Variants in TRIO observed in about 807,000 individuals in gnomAD.
The protein encoded by TRIO is triple functional domain protein.
TRIO carries 58 observed loss-of-function variants against 351.9 expected under a neutral mutation model. That is an observed-to-expected ratio of 0.16 (90% confidence interval 0.13 to 0.21). The LOEUF is 0.21. TRIO is among the 10% of genes least tolerant of loss of function. TRIO has a pLI of 1.00. For synonymous variants in TRIO, 1,758 were observed against 1,595.7 expected (o/e 1.10, Z -2.42); for missense variants, 3,201 against 4,027.8 (o/e 0.79, Z 5.56).
chr5:14,154,081 C>T (rs1425879514), intron 1 of TRIO, among the ~76,000 whole-genome samples: 1 of 152,082 alleles, frequency 6.6e-6, no homozygotes, highest in Non-Finnish European at 1.5e-5. Flanking sequence ...CATGTTGGCT[C>T]TGTTGAGTTT....
intron 1 of TRIO, among the ~76,000 whole-genome samples, chr5:14,194,100 A>C (rs146408571): frequency 2.6e-5 from 4 of 152,320 alleles, no homozygotes; most frequent in Non-Finnish European, 5.9e-5. Context: ...CTGTCCACTC[A>C]AATGTTGAAT....
At chr5:14,250,480 G>C (rs1168574014) in intron 1 of TRIO, among the ~76,000 whole-genome samples, 1 of 152,194 alleles carries the variant, frequency 6.6e-6, no homozygotes, top group Non-Finnish European at 1.5e-5. Flanking sequence ...CTTGTACAGC[G>C]CTATGGAGCC....
intron 1 of TRIO, among the ~76,000 whole-genome samples, chr5:14,243,689 T>C (rs1387550016): frequency 6.6e-6 from 1 of 152,196 alleles, no homozygotes; most frequent in East Asian, 1.9e-4. Flanking sequence ...GGAAAACATA[T>C]GGGATAGAAA....
rs1335020780 is a variant in TRIO at position 14,387,335 on chromosome 5, T to C, written c.3571-103T>C. 4 of 1,228,132 alleles carry C rather than the reference T, an allele frequency of 3.3e-6. No individual in the cohort carries two copies. The East Asian group carries it at 9.5e-5, about 29-fold the overall frequency. The allele number at this position is 1,228,132 out of a possible 1,614,324, so 76.1% of individuals were successfully genotyped here. A position where few individuals can be genotyped will look rare whatever the true frequency, so the allele number is the denominator to read the frequency against. On this transcript the variant is annotated intron_variant, in intron 21 of 56. Transcript: ENST00000344204. ...TCTCAGTTTCTACCATCAGCCGGTTTTCCTGTTCAGAGCTCAGAGTTGGAG... is the reference window on the plus strand; with the variant it reads ...TCTCAGTTTCTACCATCAGCCGGTTCTCCTGTTCAGAGCTCAGAGTTGGAG...
At chr5:14,177,048 A>C (rs1390627357) in intron 1 of TRIO, among the ~76,000 whole-genome samples, 1 of 152,226 alleles carries the variant, frequency 6.6e-6, no homozygotes, top group Admixed American at 6.5e-5. Flanking sequence ...CTGTGTGTCC[A>C]GCTTTACATA....
chr5:14,270,295 G>A (rs575229298), intron 1 of TRIO, among the ~76,000 whole-genome samples: 1 of 152,296 alleles, frequency 6.6e-6, no homozygotes, highest in South Asian at 2.1e-4. Context: ...GACCCAGAAA[G>A]CCTGGAAGGA....
At chr5:14,411,009 A>T (rs1305050884) in intron 33 of TRIO, among the ~76,000 whole-genome samples, 2 of 152,244 alleles carry the variant, frequency 1.3e-5, no homozygotes, top group African/African-American at 4.8e-5. Flanking sequence ...GATTCCAAAG[A>T]AATCAAGCGC....
chr5:14,320,905 A>G (rs1412058737), intron 9 of TRIO, among the ~76,000 whole-genome samples: 1 of 152,178 alleles, frequency 6.6e-6, no homozygotes, highest in East Asian at 1.9e-4. Context: ...CTCCTTGTCA[A>G]GGTGCTATCA....
intron 13 of TRIO, among the ~76,000 whole-genome samples, chr5:14,360,907 T>C (rs918023515): frequency 2.8e-4 from 42 of 152,214 alleles, no homozygotes; most frequent in African/African-American, 2.4e-5. Context: ...CCTGTTCAGA[T>C]GCTCTCAAAG....
chr5:14,284,714 A>G (rs1561290971), intron 3 of TRIO, among the ~76,000 whole-genome samples: 1 of 152,190 alleles, frequency 6.6e-6, no homozygotes, highest in Non-Finnish European at 1.5e-5. Flanking sequence ...ACAGGCTTCA[A>G]GGGAATTTAT....
At position 14,356,466 on chromosome 5, in the gene TRIO, C is replaced by T. The variant is rs969309757; in HGVS notation, c.2047-1712C>T. Among the ~76,000 whole-genome samples, 28 of 152,288 alleles carry T rather than the reference C, an allele frequency of 1.8e-4. 1 individual carries two copies. Among genetic ancestry groups the T allele is most frequent in the African/African-American group, 6.0e-4 (25 of 41,562 alleles). ...TTTAGAATGGCTTAAGTTAAAAAGA[C>T]TGACCACATCAGTTATTGGTGAGGA... On this transcript the variant is annotated intron_variant, in intron 11 of 56. Transcript: ENST00000344204.
chr5:14,379,908 TC>T (rs1745916205), intron 20 of TRIO, among the ~76,000 whole-genome samples: 1 of 152,220 alleles, frequency 6.6e-6, no homozygotes, highest in African/African-American at 2.4e-5. Flanking sequence ...CAGACCGGCC[TC>T]CAGGGCTCTT....
intron 9 of TRIO, among the ~76,000 whole-genome samples, chr5:14,326,478 A>G (rs1330323061): frequency 6.6e-6 from 1 of 152,216 alleles, no homozygotes; most frequent in Non-Finnish European, 1.5e-5. Flanking sequence ...ATTAGAGGGC[A>G]CTGGTGTACT....
chr5:14,498,679 G>A (rs371697774), intron 53 of TRIO, 39 bp downstream of exon 53: 12 of 1,598,620 alleles, frequency 7.5e-6, no homozygotes, highest in African/African-American at 1.3e-5. Flanking sequence ...TGACCCAGTG[G>A]GGCACGTCTT....
In TRIO at chr5:14,492,315, A is replaced by C. The variant is rs1295197292; in HGVS notation, c.7633-252A>C. On this transcript the variant is annotated intron_variant, in intron 48 of 56. Coordinates refer to ENST00000344204, the MANE Select transcript of TRIO (RefSeq NM_007118.4). ...GTGGAACGAGCTTCCAAAACCAAAG[A>C]GTCATTATTGCAGTGAATTTTTTAA... 1.1e-5 allele frequency: 6 copies of C among 523,710 alleles called. No individual in the cohort carries two copies. In the East Asian group the frequency reaches 2.1e-4, roughly 18 times the overall value. 32.4% of individuals were successfully genotyped at this position (523,710 alleles called of 1,614,324 possible).
At chr5:14,187,587 T>C (rs1211263454) in intron 1 of TRIO, among the ~76,000 whole-genome samples, 1 of 152,224 alleles carries the variant, frequency 6.6e-6, no homozygotes, top group African/African-American at 2.4e-5. Flanking sequence ...TCTAAGTAAG[T>C]TCTATTTCTT....
At chr5:14,349,339 ATG>A (rs150108485) in intron 11 of TRIO, among the ~76,000 whole-genome samples, 3,810 of 151,840 alleles carry the variant, frequency 0.025, 138 homozygotes, top group African/African-American at 0.08. Flanking sequence ...GCACATGAGC[ATG>A]TGTTTTTCCT....
intron 1 of TRIO, among the ~76,000 whole-genome samples, chr5:14,166,115 G>T (rs1481574557): frequency 6.6e-6 from 1 of 152,198 alleles, no homozygotes; most frequent in Non-Finnish European, 1.5e-5. Flanking sequence ...AGTCTGATTT[G>T]TGGGGCAGGA....
At chr5:14,466,108 T>C (rs886664122) in intron 37 of TRIO, 1 of 168,740 alleles carries the variant, frequency 5.9e-6, no homozygotes, top group Non-Finnish European at 1.3e-5. Context: ...GTCACATTGC[T>C]AGCATAGACT....
Sources: allele counts gnomAD v4.1 joint callset (sites outside exome capture counted in the v4.1 genomes callset), GRCh38; gene constraint gnomAD v4.1.1; transcripts MANE v1.5; gene names NCBI Gene and HGNC (gene_info 2026-07-23, HGNC 2026-07-21).